The following DEUP1 variants were observed in gnomAD, a reference collection of about 807,000 sequenced individuals.
The protein encoded by DEUP1 is coiled-coil domain containing 67.
In DEUP1, 82 loss-of-function variants were observed where a neutral mutation model predicts 87.4. The ratio of observed to expected loss-of-function variants is 0.94; its 90% CI spans 0.78 to 1.13. The LOEUF is 1.13. Among genes scored for constraint, DEUP1 ranks in the 50% most tolerant of loss-of-function variants. The probability of loss-of-function intolerance (pLI) is 0.00; values close to 1 mark genes in which losing one functional copy is unlikely to be tolerated. For synonymous variants in DEUP1, 214 were observed against 222.7 expected (o/e 0.96, Z 0.35); for missense variants, 663 against 681.5 (o/e 0.97, Z 0.30).
At chr11:93,435,995 CA>C (rs34570659) in intron 13 of DEUP1, among the ~76,000 whole-genome samples, 90,709 of 126,490 alleles carry the variant, frequency 0.72, 31,437 homozygotes, top group East Asian at 0.89. Context: ...GACTCCGTCT[CA>C]AAAAAAAAAA....
intron 11 of DEUP1, among the ~76,000 whole-genome samples, chr11:93,398,871 C>A (rs1947024055): frequency 6.6e-6 from 1 of 151,938 alleles, no homozygotes; most frequent in African/African-American, 2.4e-5. Context: ...CAGGCACATG[C>A]CACCATGTCC....
intron 5 of DEUP1, among the ~76,000 whole-genome samples, chr11:93,368,973 T>C (rs1203513179): frequency 2.6e-5 from 4 of 151,220 alleles, no homozygotes; most frequent in African/African-American, 9.7e-5. Context: ...ACCACCCCCG[T>C]GCCCACCAGC....
intron 12 of DEUP1, among the ~76,000 whole-genome samples, chr11:93,414,606 G>T (rs1947548841): frequency 6.6e-6 from 1 of 152,126 alleles, no homozygotes; most frequent in South Asian, 2.1e-4. Context: ...GTGTAAAAGA[G>T]AATAGAAAAA....
intron 2 of DEUP1, among the ~76,000 whole-genome samples, chr11:93,347,151 C>A (rs1049789306): frequency 1.3e-5 from 2 of 152,096 alleles, no homozygotes; most frequent in African/African-American, 4.8e-5. Flanking sequence ...CCAGCTTTTG[C>A]GCATTCAGTG....
At position 93,385,494 on chromosome 11, in the gene DEUP1, G is replaced by T; in HGVS notation, c.886G>T (p.Glu296Ter). The T allele has an allele frequency of 1.2e-6, 2 of 1,610,646 alleles. No individual in the cohort carries two copies. Among genetic ancestry groups the T allele is most frequent in the Non-Finnish European group, 1.7e-6 (2 of 1,178,528 alleles). The change falls in exon 8 of 14, where the codon GAA becomes TAA. Residue 296 changes from glutamate (E) to a stop codon, truncating the protein, a stop_gained. Transcript: ENST00000298050. LOFTEE classifies it high-confidence loss of function. ...IEMERLQLHR[E>*]LLKIGECQNA... ...AATGGAACGATTGCAATTACACAGA[G>T]AATTATTAAAAATAGGAGAGTGCCA...
chr11:93,392,345 C>T lies in DEUP1; in HGVS notation c.1042-2114C>T, dbSNP rs557621542. Among the ~76,000 whole-genome samples, 13 of 152,258 alleles carry T rather than the reference C, an allele frequency of 8.5e-5. No individual in the cohort carries two copies. In the East Asian group the frequency reaches 1.4e-3, roughly 16 times the overall value. On this transcript the variant is annotated intron_variant, in intron 9 of 13. Coordinates refer to ENST00000298050, the MANE Select transcript of DEUP1 (RefSeq NM_181645.4). ...GTTCACAGGTCCTGGAATTAGACTG[C>T]CTTTCACAAGAAATGTGATGTGAAA...
At position 93,371,123 on chromosome 11, in the gene DEUP1, G is replaced by T. The variant is rs749625100; in HGVS notation, c.632G>T (p.Cys211Phe). The change falls in exon 7 of 14, where the codon TGT (cysteine) becomes TTT (phenylalanine). Residue 211 changes from cysteine to phenylalanine, a missense_variant. Physicochemically the swap from Cys to Phe is radical, Grantham distance 205. Coordinates refer to ENST00000298050, the MANE Select transcript of DEUP1 (RefSeq NM_181645.4). Reference protein sequence around the residue: ...DSSSEIPRLICDPDPNCEINE... With the variant: ...DSSSEIPRLIFDPDPNCEINE... ...AGCTCTGAAATTCCTCGTTTGATAT[G>T]TGACCCAGATCCCAATTGTGAAATC... 2.5e-6 allele frequency: 4 copies of T among 1,612,998 alleles called. No individual in the cohort carries two copies. Among genetic ancestry groups the T allele is most frequent in the South Asian group, 2.2e-5 (2 of 90,900 alleles).
At position 93,428,484 on chromosome 11, in the gene DEUP1, T is replaced by C. The variant is rs529962879; in HGVS notation, c.1639-9059T>C. Among the ~76,000 whole-genome samples the C allele has an allele frequency of 6.3e-4, 95 of 151,974 alleles. 1 individual carries two copies. The highest frequency in any genetic ancestry group is 2.1e-3 in the African/African-American group (89 of 41,424). On this transcript the variant is annotated intron_variant, in intron 13 of 13. Coordinates refer to ENST00000298050, the MANE Select transcript of DEUP1 (RefSeq NM_181645.4). ...GTGGGAGGGATAGCATTAGGAGATATACCTAATGCTAAATGACGAGTTAAT... is the reference window on the plus strand; with the variant it reads ...GTGGGAGGGATAGCATTAGGAGATACACCTAATGCTAAATGACGAGTTAAT...
chr11:93,429,089 T>TCA, intron 13 of DEUP1, among the ~76,000 whole-genome samples: 1 of 152,300 alleles, frequency 6.6e-6, no homozygotes, highest in Non-Finnish European at 1.5e-5. Context: ...TATTATTGAT[T>TCA]TATGGGTATC....
At chr11:93,436,493 T>A (rs1240821140) in intron 13 of DEUP1, among the ~76,000 whole-genome samples, 1 of 152,198 alleles carries the variant, frequency 6.6e-6, no homozygotes, top group African/African-American at 2.4e-5. Context: ...ATTTGCCAGA[T>A]CAATAGTAGC....
At chr11:93,340,257 A>G (rs1267006545) in intron 2 of DEUP1, among the ~76,000 whole-genome samples, 4 of 152,202 alleles carry the variant, frequency 2.6e-5, no homozygotes, top group Non-Finnish European at 4.4e-5. Flanking sequence ...AAGACCTAAA[A>G]AAAGTGAGAG....
chr11:93,351,365 C>A (rs1455150478), intron 2 of DEUP1, among the ~76,000 whole-genome samples: 1 of 152,178 alleles, frequency 6.6e-6, no homozygotes, highest in East Asian at 1.9e-4. Flanking sequence ...AGAACTCATT[C>A]ATTCTTTAGA....
rs577010560 is a variant in DEUP1 at position 93,351,034 on chromosome 11, ATT to A, written c.30-4336_30-4335del. The stretch of plus-strand genomic sequence containing the variant: ...TAAAAATGTATTTTAATAAACATAT[ATT>A]ATATTTTCACATAATATATACATTT... On this transcript the variant is annotated intron_variant, in intron 2 of 13. Transcript: ENST00000298050. Among the ~76,000 whole-genome samples the A allele has an allele frequency of 3.4e-3, 498 of 148,300 alleles. 2 individuals are homozygous for A. The highest frequency in any genetic ancestry group is 0.012 in the African/African-American group (475 of 40,896).
intron 6 of DEUP1, among the ~76,000 whole-genome samples, chr11:93,370,665 T>C (rs981046765): frequency 1.4e-4 from 21 of 152,210 alleles, no homozygotes; most frequent in African/African-American, 5.1e-4. Flanking sequence ...TTACATGCAT[T>C]GACAACTTTT....
chr11:93,391,438 C>T (rs987031882), intron 9 of DEUP1, among the ~76,000 whole-genome samples: 1 of 151,664 alleles, frequency 6.6e-6, no homozygotes, highest in Non-Finnish European at 1.5e-5. Context: ...GGCCAGGTGC[C>T]GTGGCTCACG....
chr11:93,406,888 G>T (rs1591237636), intron 11 of DEUP1, among the ~76,000 whole-genome samples: 1 of 152,000 alleles, frequency 6.6e-6, no homozygotes, highest in South Asian at 2.1e-4. Flanking sequence ...AGTAAAATTT[G>T]CCAGGAAACA....
At chr11:93,358,949 G>A (rs1465537696) in intron 4 of DEUP1, among the ~76,000 whole-genome samples, 1 of 151,988 alleles carries the variant, frequency 6.6e-6, no homozygotes, top group Non-Finnish European at 1.5e-5. Flanking sequence ...GAATACACTG[G>A]GAATGCTACA....
At chr11:93,343,889 T>G (rs138374007) in intron 2 of DEUP1, among the ~76,000 whole-genome samples, 382 of 152,324 alleles carry the variant, frequency 2.5e-3, no homozygotes, top group African/African-American at 8.9e-3. Context: ...GTCCCAACAT[T>G]AAGCTTATTG....
rs545273258 is a variant in DEUP1, at chr11:93,418,889, G to A, written c.1638+3775G>A. Among the ~76,000 whole-genome samples, 72 of 151,726 alleles carry A rather than the reference G, an allele frequency of 4.7e-4. No individual in the cohort carries two copies. In the Middle Eastern group the frequency reaches 0.01, roughly 22 times the overall value. ...GAGTTCATGTCCTTTGTAGGGATAT[G>A]GATGAAGTTGGAAATCATCATTCTC... On this transcript the variant is annotated intron_variant, in intron 13 of 13. Transcript: ENST00000298050.
Sources: gnomAD v4.1 joint callset for allele counts (sites outside exome capture counted in the v4.1 genomes callset) on GRCh38, gnomAD v4.1.1 for gene constraint, MANE v1.5 for transcripts, NCBI Gene and HGNC (gene_info 2026-07-23, HGNC 2026-07-21) for gene names.